PDZD2: variants seen among roughly 807,000 people sequenced by gnomAD.
The protein encoded by PDZD2 is PDZ domain containing 2.
In PDZD2, 90 loss-of-function variants were observed where a neutral mutation model predicts 220.7. The ratio of observed to expected loss-of-function variants is 0.41; its 90% confidence interval spans 0.34 to 0.49. The LOEUF (loss-of-function observed/expected upper bound fraction) is 0.49. Ranked by LOEUF, PDZD2 falls within the 20% of genes least tolerant of loss-of-function variation. The pLI is 0.28. For missense variants in PDZD2, 3,174 were observed against 3,608.5 expected (o/e 0.88, Z 3.08); for synonymous variants, 1,375 against 1,450.5 (o/e 0.95, Z 1.18).
At chr5:31,837,992 T>C (rs531078253) in intron 2 of PDZD2, among the ~76,000 whole-genome samples, 3 of 152,316 alleles carry the variant, frequency 2.0e-5, no homozygotes, top group South Asian at 2.1e-4. Context: ...TCTGTAAAGT[T>C]TGGAAACAGG....
chr5:32,079,277 AAAC>A (rs1399114199), intron 19 of PDZD2, among the ~76,000 whole-genome samples: 2 of 146,346 alleles, frequency 1.4e-5, no homozygotes, highest in African/African-American at 5.5e-5. Context: ...AACAAAAAAA[AAAC>A]AAAAAAAAAA....
chr5:31,826,271 A>G (rs1342633331), intron 2 of PDZD2, among the ~76,000 whole-genome samples: 1 of 152,050 alleles, frequency 6.6e-6, no homozygotes, highest in East Asian at 1.9e-4. Flanking sequence ...TACCTTGCTC[A>G]ATGCCACCGT....
At chr5:32,031,748 C>T (rs557666584) in intron 6 of PDZD2, among the ~76,000 whole-genome samples, 1 of 152,280 alleles carries the variant, frequency 6.6e-6, no homozygotes, top group East Asian at 1.9e-4. Context: ...TACCTATATT[C>T]TTATGATACA....
At chr5:31,848,535 G>T (rs7702535) in intron 2 of PDZD2, among the ~76,000 whole-genome samples, 51,845 of 151,330 alleles carry the variant, frequency 0.34, 10,415 homozygotes, top group East Asian at 0.62. Context: ...GATCACCTGA[G>T]GTCAGGAGTT....
chr5:31,980,446 G>C (rs1750202461), intron 2 of PDZD2, among the ~76,000 whole-genome samples: 1 of 152,176 alleles, frequency 6.6e-6, no homozygotes. Context: ...TGATGGAATG[G>C]AAGACCCAGC....
chr5:31,649,558 A>C (rs1661862140), intron 1 of PDZD2, among the ~76,000 whole-genome samples: 1 of 152,110 alleles, frequency 6.6e-6, no homozygotes, highest in Non-Finnish European at 1.5e-5. Flanking sequence ...CATTAAAGCA[A>C]AGAACTAGTT....
intron 1 of PDZD2, among the ~76,000 whole-genome samples, chr5:31,696,026 C>T (rs1260158025): frequency 6.6e-6 from 1 of 152,106 alleles, no homozygotes; most frequent in Non-Finnish European, 1.5e-5. Flanking sequence ...TTTAAGACTT[C>T]CAGCATTCCA....
chr5:31,975,627 T>C (rs1156656287), intron 2 of PDZD2, among the ~76,000 whole-genome samples: 6 of 152,116 alleles, frequency 3.9e-5, no homozygotes, highest in African/African-American at 1.4e-4. Flanking sequence ...CAGCGAGCAG[T>C]TGGAGTGCAC....
At chr5:31,932,941 G>C (rs1966053) in intron 2 of PDZD2, among the ~76,000 whole-genome samples, 1 of 150,834 alleles carries the variant, frequency 6.6e-6, no homozygotes, top group Admixed American at 6.6e-5. Flanking sequence ...ACAGAGTTTC[G>C]CTCTTGTTGC....
intron 1 of PDZD2, among the ~76,000 whole-genome samples, chr5:31,714,286 G>T (rs1748307166): frequency 6.6e-6 from 1 of 152,200 alleles, no homozygotes. Context: ...TCTGATTGAG[G>T]TTGTCAGGCA....
intron 2 of PDZD2, among the ~76,000 whole-genome samples, chr5:31,948,070 T>G (rs115807114): frequency 1.8e-4 from 27 of 152,284 alleles, no homozygotes; most frequent in Non-Finnish European, 3.1e-4. Context: ...GAAGAAATAC[T>G]TTATTATAAC....
intron 6 of PDZD2, among the ~76,000 whole-genome samples, chr5:32,024,703 A>AAAAAAAAAAAAAAGAAAG (rs1561378496): frequency 2.1e-5 from 3 of 140,274 alleles, no homozygotes; most frequent in Non-Finnish European, 4.7e-5. Flanking sequence ...AGAAAGAAAA[A>AAAAAAAAAAAAAAGAAAG]AAAGAAAAGG....
At chr5:31,707,285 T>C (rs2150136840) in intron 1 of PDZD2, among the ~76,000 whole-genome samples, 1 of 150,950 alleles carries the variant, frequency 6.6e-6, no homozygotes, top group East Asian at 2.0e-4. Flanking sequence ...ACGTGTACCC[T>C]AGAACTTAAA....
At chr5:31,919,079 A>G (rs1743938965) in intron 2 of PDZD2, among the ~76,000 whole-genome samples, 1 of 152,234 alleles carries the variant, frequency 6.6e-6, no homozygotes, top group Non-Finnish European at 1.5e-5. Flanking sequence ...AAATAAGCCA[A>G]AACAGCAGAA....
chr5:31,899,587 G>C (rs1184542982), intron 2 of PDZD2, among the ~76,000 whole-genome samples: 3 of 152,216 alleles, frequency 2.0e-5, no homozygotes, highest in Non-Finnish European at 4.4e-5. Context: ...TACCATGTGT[G>C]TTAGCTGTGT....
At chr5:32,036,489 A>G (rs1424500985) in intron 6 of PDZD2, among the ~76,000 whole-genome samples, 3 of 152,134 alleles carry the variant, frequency 2.0e-5, no homozygotes. Context: ...TCTCTAGTAA[A>G]TGGGGGTTTT....
chr5:31,855,150 G>A (rs1032437941), intron 2 of PDZD2: 50 of 980,474 alleles, frequency 5.1e-5, no homozygotes, highest in African/African-American at 1.1e-4. Flanking sequence ...ACCCTCCGAA[G>A]GTGACTTCAG....
Position 32,026,138 on chromosome 5 carries a change from AT to A in PDZD2, c.1408-11078del, listed in dbSNP as rs142134117. Among the ~76,000 whole-genome samples the A allele has an allele frequency of 4.3e-3, 602 of 140,234 alleles. 2 individuals carry two copies. The highest frequency in any genetic ancestry group is 6.9e-3 in the Admixed American group (98 of 14,144). 92.0% of individuals were successfully genotyped at this position (140,234 alleles called of 152,430 possible). On this transcript the variant is annotated intron_variant, in intron 6 of 24. Coordinates refer to ENST00000438447, the MANE Select transcript of PDZD2 (RefSeq NM_178140.4). ...CCTGCTAATTGTCCTGTTGACTACT[AT>A]TTTTTTTTTTTTTTGGTAACAGTGT...
intron 2 of PDZD2, among the ~76,000 whole-genome samples, chr5:31,939,865 G>A (rs911279337): frequency 5.3e-5 from 8 of 152,170 alleles, no homozygotes; most frequent in Admixed American, 1.3e-4. Flanking sequence ...CAAGCCAGAC[G>A]TCTGCATATA....
Sources: allele counts gnomAD v4.1 joint callset (sites outside exome capture counted in the v4.1 genomes callset), GRCh38; gene constraint gnomAD v4.1.1; transcripts MANE v1.5; gene names NCBI Gene and HGNC (gene_info 2026-07-23, HGNC 2026-07-21).